ERGIC1: variants seen among roughly 807,000 people sequenced by gnomAD.
ERGIC1 encodes endoplasmic reticulum-Golgi intermediate compartment protein 1.
ERGIC1 carries 19 observed loss-of-function variants against 38.3 expected under a neutral mutation model. The ratio of observed to expected loss-of-function variants is 0.50; its 90% CI spans 0.35 to 0.73. The LOEUF (loss-of-function observed/expected upper bound fraction) is 0.73. Among genes scored for constraint, ERGIC1 ranks in the 30% least tolerant of loss-of-function variants. The probability of loss-of-function intolerance (pLI) is 0.01; values close to 1 mark genes in which losing one functional copy is unlikely to be tolerated. For missense variants in ERGIC1, 294 were observed against 389.2 expected (o/e 0.76, Z 2.06); for synonymous variants, 124 against 157.6 (o/e 0.79, Z 1.60).
chr5:172,853,478 G>A lies in ERGIC1; in HGVS notation c.20+19045G>A, dbSNP rs115756438. 5.2e-3 allele frequency among the ~76,000 whole-genome samples: 787 copies of A among 152,268 alleles called. 5 individuals carry two copies. Among genetic ancestry groups the A allele is most frequent in the African/African-American group, 0.018 (752 of 41,544 alleles). On this transcript the variant is annotated intron_variant, in intron 1 of 9. Transcript: ENST00000393784. Reference sequence around the variant, plus strand: ...TGACTACTTAGCATTTCCCTGCCTCGATCCCCACAGCAGCCCTGTAGGGAA... The same window carrying A: ...TGACTACTTAGCATTTCCCTGCCTCAATCCCCACAGCAGCCCTGTAGGGAA...
At chr5:172,875,696 T>G (rs1401676766) in intron 1 of ERGIC1, among the ~76,000 whole-genome samples, 5 of 152,148 alleles carry the variant, frequency 3.3e-5, no homozygotes, top group Non-Finnish European at 7.4e-5. Context: ...TGTGCTCAAG[T>G]GATCCTCCCA....
chr5:172,902,412 G>C (rs1036613121), intron 3 of ERGIC1, among the ~76,000 whole-genome samples: 1 of 152,244 alleles, frequency 6.6e-6, no homozygotes, highest in Admixed American at 6.5e-5. Flanking sequence ...CCATTAAGGA[G>C]CATGAAGGAC....
At chr5:172,845,009 A>G (rs1761250059) in intron 1 of ERGIC1, among the ~76,000 whole-genome samples, 1 of 146,644 alleles carries the variant, frequency 6.8e-6, no homozygotes, top group East Asian at 2.0e-4. Context: ...GCCATTTCCC[A>G]TTCCCATCTT....
chr5:172,921,031 G>A (rs1763500989), intron 5 of ERGIC1, among the ~76,000 whole-genome samples: 1 of 152,178 alleles, frequency 6.6e-6, no homozygotes, highest in African/African-American at 2.4e-5. Context: ...CTTCCGGGAG[G>A]GCCCTTCTTG....
intron 1 of ERGIC1, among the ~76,000 whole-genome samples, chr5:172,844,135 C>A (rs1742936594): frequency 6.6e-6 from 1 of 152,162 alleles, no homozygotes; most frequent in African/African-American, 2.4e-5. Flanking sequence ...AGAGTTAGAC[C>A]CCTCTCCCTT....
intron 2 of ERGIC1, among the ~76,000 whole-genome samples, chr5:172,894,725 T>G (rs996743121): frequency 2.0e-5 from 3 of 152,176 alleles, no homozygotes; most frequent in African/African-American, 7.2e-5. Flanking sequence ...TCACTGTGCC[T>G]CCATTTCCAC....
In ERGIC1 at chr5:172,834,561, C is replaced by T. The variant is rs1760982593; in HGVS notation, c.20+128C>T. 2.1e-6 allele frequency: 2 copies of T among 935,230 alleles called. No individual in the cohort carries two copies. The highest frequency in any genetic ancestry group is 2.7e-6 in the Non-Finnish European group (2 of 732,962). 57.9% of individuals were successfully genotyped at this position (935,230 alleles called of 1,614,324 possible). A position where few individuals can be genotyped will look rare whatever the true frequency, so the allele number is the denominator to read the frequency against. On this transcript the variant is annotated intron_variant, in intron 1 of 9. Coordinates refer to ENST00000393784, the MANE Select transcript of ERGIC1 (RefSeq NM_001031711.3). The surrounding 1 kb of genome is among the most constrained non-coding windows in gnomAD (Gnocchi z 4.1). ...CCGCCCTGTGCATGCCTCCGCAGGCCCCTAGGGACCCCAGGCGAGCCCCCC... is the reference window on the plus strand; with the variant it reads ...CCGCCCTGTGCATGCCTCCGCAGGCTCCTAGGGACCCCAGGCGAGCCCCCC...
chr5:172,930,648 C>T (rs1692809498), intron 7 of ERGIC1, among the ~76,000 whole-genome samples: 1 of 152,080 alleles, frequency 6.6e-6, no homozygotes, highest in African/African-American at 2.4e-5. Context: ...CGGCCTTGTA[C>T]AAATTTTAAC....
Position 172,888,289 on chromosome 5 carries a change from G to A in ERGIC1, c.21-410G>A, listed in dbSNP as rs1472222222. ...AGCCTGGGCAACATGGCAAAACCCC[G>A]TCTCTACCAAAAATACAAAAATTAG... On this transcript the variant is annotated intron_variant, in intron 1 of 9. Coordinates refer to ENST00000393784, the MANE Select transcript of ERGIC1 (RefSeq NM_001031711.3). Among the ~76,000 whole-genome samples, 22 of 151,906 alleles carry A rather than the reference G, an allele frequency of 1.4e-4. 1 individual carries two copies. Among genetic ancestry groups the A allele is most frequent in the Non-Finnish European group, 1.6e-4 (11 of 67,984 alleles).
At chr5:172,863,282 T>C (rs903196831) in intron 1 of ERGIC1, among the ~76,000 whole-genome samples, 2 of 152,230 alleles carry the variant, frequency 1.3e-5, no homozygotes, top group Non-Finnish European at 2.9e-5. Flanking sequence ...GTGAGATTAT[T>C]AAGTGTAAAA....
chr5:172,859,856 ACAGT>A (rs1441799116), intron 1 of ERGIC1, among the ~76,000 whole-genome samples: 3 of 152,230 alleles, frequency 2.0e-5, no homozygotes, highest in Non-Finnish European at 4.4e-5. Flanking sequence ...TCCAAACTCC[ACAGT>A]CAGTACTTTG....
At chr5:172,883,898 G>A (rs1000520434) in intron 1 of ERGIC1, among the ~76,000 whole-genome samples, 4 of 152,134 alleles carry the variant, frequency 2.6e-5, no homozygotes, top group African/African-American at 4.8e-5. Context: ...TGGGAGGATC[G>A]CCTGAGCCTT....
chr5:172,836,962 T>C (rs926346322), intron 1 of ERGIC1, among the ~76,000 whole-genome samples: 3 of 152,194 alleles, frequency 2.0e-5, no homozygotes, highest in African/African-American at 7.2e-5. Flanking sequence ...GATCTGGGAT[T>C]TGAACTTGGG....
intron 9 of ERGIC1, among the ~76,000 whole-genome samples, chr5:172,938,184 G>T (rs895757483): frequency 1.3e-5 from 2 of 152,208 alleles, no homozygotes; most frequent in East Asian, 1.9e-4. Flanking sequence ...CCAAGACCCC[G>T]CAGGGTAGCA....
At chr5:172,858,162 G>C (rs1186845377) in intron 1 of ERGIC1, among the ~76,000 whole-genome samples, 2 of 152,236 alleles carry the variant, frequency 1.3e-5, no homozygotes, top group African/African-American at 4.8e-5. Context: ...GGTTCACTGG[G>C]CCACTGAGAG....
intron 5 of ERGIC1, chr5:172,917,641 G>A (rs538273177): frequency 1.4e-4 from 21 of 152,068 alleles, no homozygotes; most frequent in African/African-American, 2.9e-4. Context: ...CAAGAAGAGC[G>A]GATTGAATGC....
intron 1 of ERGIC1, among the ~76,000 whole-genome samples, chr5:172,850,007 A>C (rs1761364711): frequency 6.6e-6 from 1 of 152,144 alleles, no homozygotes. Context: ...GAGAGAACCG[A>C]GGTGGCGTGA....
chr5:172,935,182 C>A lies in ERGIC1; in HGVS notation c.643-6C>A. ...GTACTTCTGATTCTTATATCCTCTA[C>A]CCCAGGAATACGTCGCCTACAGCCA... On this transcript the variant is annotated splice_polypyrimidine_tract_variant and splice_region_variant and intron_variant, in intron 8 of 9. Coordinates refer to ENST00000393784, the MANE Select transcript of ERGIC1 (RefSeq NM_001031711.3). The A allele has an allele frequency of 6.2e-7, 1 of 1,614,096 alleles. No individual in the cohort carries two copies. The highest frequency in any genetic ancestry group is 8.5e-7 in the Non-Finnish European group (1 of 1,180,016).
In ERGIC1 at chr5:172,947,959, A is replaced by G. The variant is rs376998161; in HGVS notation, c.766-2750A>G. Among the ~76,000 whole-genome samples, 11 of 151,016 alleles carry G rather than the reference A, an allele frequency of 7.3e-5. No individual in the cohort carries two copies. In the South Asian group the frequency reaches 2.3e-3, roughly 31 times the overall value. On this transcript the variant is annotated intron_variant, in intron 9 of 9. Coordinates refer to ENST00000393784, the MANE Select transcript of ERGIC1 (RefSeq NM_001031711.3). Reference sequence around the variant, plus strand: ...CATTGCACGTAAGTCACATTTTCCTATCTTCTGATCCAAGCTCTAAAAGCG... The same window carrying G: ...CATTGCACGTAAGTCACATTTTCCTGTCTTCTGATCCAAGCTCTAAAAGCG...
Sources: gnomAD v4.1 joint callset for allele counts (sites outside exome capture counted in the v4.1 genomes callset) on GRCh38, gnomAD v4.1.1 for gene constraint, Gnocchi (gnomAD v3.1) non-coding constraint, MANE v1.5 for transcripts, NCBI Gene and HGNC (gene_info 2026-07-23, HGNC 2026-07-21) for gene names.